The following NPIPB2 variants were observed in gnomAD, a reference collection of about 807,000 sequenced individuals.
NPIPB2 encodes nuclear pore complex-interacting protein family member B2.
NPIPB2 carries 27 observed loss-of-function variants against 30.8 expected under a neutral mutation model. The ratio of observed to expected loss-of-function variants is 0.88; its 90% CI spans 0.65 to 1.21. The LOEUF is 1.21. NPIPB2 is among the 50% of genes most tolerant of loss of function. The pLI, the probability that NPIPB2 is intolerant of heterozygous loss-of-function variation, is 0.00. For missense variants in NPIPB2, 440 were observed against 446.2 expected, an observed-to-expected ratio of 0.99 and a Z score of 0.13; for synonymous variants, 147 against 162.0, an observed-to-expected ratio of 0.91 and a Z score of 0.70.
chr16:11,974,000 T>C (rs1344116999), intron 1 of NPIPB2, among the ~76,000 whole-genome samples: 1 of 152,206 alleles, frequency 6.6e-6, no homozygotes. Context: ...AAAGCATTTG[T>C]TCAGGTGTGG....
chr16:11,956,516 A>G (rs2055114305), intron 1 of NPIPB2, among the ~76,000 whole-genome samples: 1 of 152,098 alleles, frequency 6.6e-6, no homozygotes, highest in Non-Finnish European at 1.5e-5. Flanking sequence ...TCTCTATTAA[A>G]AATACAAAAA....
chr16:11,934,989 AG>A (rs1344667717), intron 2 of NPIPB2, among the ~76,000 whole-genome samples: 1 of 142,632 alleles, frequency 7.0e-6, no homozygotes, highest in Non-Finnish European at 1.5e-5. Flanking sequence ...TTGAAAAGGA[AG>A]TAATTACCTT....
At chr16:11,973,883 G>C (rs1481385964) in intron 1 of NPIPB2, among the ~76,000 whole-genome samples, 5 of 152,212 alleles carry the variant, frequency 3.3e-5, no homozygotes, top group Non-Finnish European at 1.5e-5. Context: ...ATTCTGTTGA[G>C]GAGCAATAAA....
chr16:11,947,954 G>A (rs1395507006), intron 1 of NPIPB2, among the ~76,000 whole-genome samples: 3 of 149,132 alleles, frequency 2.0e-5, no homozygotes, highest in Non-Finnish European at 3.0e-5. Flanking sequence ...AGGTGAAAGC[G>A]GATACTAGGT....
chr16:11,975,178 C>T (rs1454058515), intron 1 of NPIPB2, among the ~76,000 whole-genome samples: 1 of 51,116 alleles, frequency 2.0e-5, no homozygotes, highest in Non-Finnish European at 3.4e-5. Flanking sequence ...GACGGAGTCT[C>T]GCTCTGTCGC....
intron 1 of NPIPB2, among the ~76,000 whole-genome samples, chr16:11,961,212 G>A (rs2055150365): frequency 6.6e-6 from 1 of 152,000 alleles, no homozygotes. Flanking sequence ...TGTTTGTCCT[G>A]TCTCCTTTGC....
chr16:11,965,155 G>A, intron 1 of NPIPB2: 1 of 750,980 alleles, frequency 1.3e-6, no homozygotes, highest in Non-Finnish European at 2.2e-6. Flanking sequence ...CAAATCCTTA[G>A]CTGCCGCGAA....
At chr16:11,966,396 T>C in intron 1 of NPIPB2, 1 of 1,544,948 alleles carries the variant, frequency 6.5e-7, no homozygotes. Flanking sequence ...CTATTGTGAG[T>C]TTCAGTTCCT....
chr16:11,942,500 G>A (rs1473145821), upstream of NPIPB2, among the ~76,000 whole-genome samples: 4 of 150,976 alleles, frequency 2.6e-5, no homozygotes, highest in Non-Finnish European at 5.9e-5. Flanking sequence ...TTTAACATCC[G>A]AAACCGAGTG....
chr16:11,969,508 G>T (rs955073836), intron 1 of NPIPB2, among the ~76,000 whole-genome samples: 9 of 152,198 alleles, frequency 5.9e-5, no homozygotes, highest in Admixed American at 3.9e-4. Context: ...ACCTGTCTTG[G>T]CCTCCCAATG....
chr16:11,975,751 T>C (rs1596512507), intron 1 of NPIPB2, among the ~76,000 whole-genome samples: 1 of 152,030 alleles, frequency 6.6e-6, no homozygotes, highest in East Asian at 1.9e-4. Flanking sequence ...CCACCATGCC[T>C]GGCTAATTTT....
At chr16:11,966,369 C>T in intron 1 of NPIPB2, 3 of 1,600,890 alleles carry the variant, frequency 1.9e-6, no homozygotes, top group South Asian at 2.2e-5. Flanking sequence ...TCTTTGAAAT[C>T]TATTTCCAGG....
At chr16:11,947,975 T>G (rs141248662) in intron 1 of NPIPB2, among the ~76,000 whole-genome samples, 3 of 148,780 alleles carry the variant, frequency 2.0e-5, no homozygotes, top group African/African-American at 7.5e-5. Context: ...GGACAACTAC[T>G]AAGGTGTCAA....
upstream of NPIPB2, among the ~76,000 whole-genome samples, chr16:11,945,754 AG>A (rs1200296126): frequency 6.6e-6 from 1 of 152,112 alleles, no homozygotes; most frequent in African/African-American, 2.4e-5. Flanking sequence ...GGATTAAGAC[AG>A]GCTGAGGGAA....
intron 1 of NPIPB2, among the ~76,000 whole-genome samples, chr16:11,952,871 C>T (rs193022717): frequency 2.9e-4 from 44 of 151,960 alleles, no homozygotes; most frequent in Non-Finnish European, 4.9e-4. Context: ...TGGCCCTTAT[C>T]GCCATCTTTC....
At chr16:11,932,849 T>A (rs1486568735) in intron 4 of NPIPB2, among the ~76,000 whole-genome samples, 1 of 119,412 alleles carries the variant, frequency 8.4e-6, no homozygotes, top group African/African-American at 3.2e-5. Context: ...TAATCCAAGC[T>A]ACTCAGGAAG....
intron 1 of NPIPB2, among the ~76,000 whole-genome samples, chr16:11,975,803 C>A (rs1298548478): frequency 6.6e-6 from 1 of 152,022 alleles, no homozygotes; most frequent in Non-Finnish European, 1.5e-5. Context: ...GTTGGCCAGG[C>A]TGGAATCGAA....
chr16:11,971,661 A>G (rs2055236481), intron 1 of NPIPB2, among the ~76,000 whole-genome samples: 1 of 151,546 alleles, frequency 6.6e-6, no homozygotes, highest in Non-Finnish European at 1.5e-5. Flanking sequence ...AGCTCAGCTA[A>G]TTTTTGTATT....
chr16:11,948,924 G>A (rs1025794745), intron 1 of NPIPB2, among the ~76,000 whole-genome samples: 1 of 152,070 alleles, frequency 6.6e-6, no homozygotes, highest in African/African-American at 2.4e-5. Context: ...GATTGCTTGA[G>A]GCCAGGACTT....
Sources: gnomAD v4.1 joint callset for allele counts (sites outside exome capture counted in the v4.1 genomes callset) on GRCh38, gnomAD v4.1.1 for gene constraint, MANE v1.5 for transcripts, NCBI Gene and HGNC (gene_info 2026-07-23, HGNC 2026-07-21) for gene names.